The following GALNT13 variants were observed in gnomAD, a reference collection of about 807,000 sequenced individuals.
GALNT13 encodes polypeptide N-acetylgalactosaminyltransferase 13.
Under a neutral mutation model 64.2 loss-of-function variants are expected in GALNT13, and 28 were observed. The ratio of observed to expected loss-of-function variants is 0.44; its 90% confidence interval spans 0.32 to 0.60. The LOEUF is 0.60. GALNT13 is among the 20% of genes least tolerant of loss of function. GALNT13 has a pLI of 0.05. For synonymous variants in GALNT13, 214 were observed against 224.6 expected (o/e 0.95, Z 0.42); for missense variants, 577 against 669.8 (o/e 0.86, Z 1.53).
chr2:154,007,944 T>A (rs1017344506), intron 3 of GALNT13, among the ~76,000 whole-genome samples: 1 of 149,116 alleles, frequency 6.7e-6, no homozygotes, highest in Non-Finnish European at 1.5e-5. Flanking sequence ...ATAGAACCCT[T>A]CATATTTCCA....
At chr2:153,261,675 A>C in the GALNT13 span, among the ~76,000 whole-genome samples, 1 of 152,092 alleles carries the variant, frequency 6.6e-6, no homozygotes, top group African/African-American at 2.4e-5. Flanking sequence ...TCCAGTGACC[A>C]TTGCCTGGCT....
intron 3 of GALNT13, among the ~76,000 whole-genome samples, chr2:154,098,465 T>G (rs1702184612): frequency 6.6e-6 from 1 of 152,068 alleles, no homozygotes; most frequent in East Asian, 1.9e-4. Context: ...TAGTATTATT[T>G]TATATTTGGG....
At chr2:154,323,117 T>A (rs1694711681) in intron 9 of GALNT13, among the ~76,000 whole-genome samples, 1 of 151,668 alleles carries the variant, frequency 6.6e-6, no homozygotes, top group African/African-American at 2.4e-5. Context: ...GGAGATGGAT[T>A]ATAAACGCCA....
At chr2:153,120,915 T>C in the GALNT13 span, among the ~76,000 whole-genome samples, 1 of 152,170 alleles carries the variant, frequency 6.6e-6, no homozygotes, top group East Asian at 1.9e-4. Context: ...CTCTAGTTAT[T>C]GCGTGATCTG....
At chr2:153,965,366 C>G (rs2589463) in intron 3 of GALNT13, among the ~76,000 whole-genome samples, 1 of 152,150 alleles carries the variant, frequency 6.6e-6, no homozygotes, top group Non-Finnish European at 1.5e-5. Context: ...CCCTTCCCAG[C>G]TTCTGATAAC....
chr2:154,024,837 G>A (rs1023782757), intron 3 of GALNT13, among the ~76,000 whole-genome samples: 1 of 151,998 alleles, frequency 6.6e-6, no homozygotes, highest in Non-Finnish European at 1.5e-5. Context: ...TCTACCTTTG[G>A]TCTTTGATGA....
chr2:153,200,952 C>T, the GALNT13 span, among the ~76,000 whole-genome samples: 1 of 152,186 alleles, frequency 6.6e-6, no homozygotes, highest in East Asian at 1.9e-4. Flanking sequence ...CTTTCTGTTG[C>T]TATTGGTGGG....
intron 3 of GALNT13, among the ~76,000 whole-genome samples, chr2:153,966,368 G>A (rs943237299): frequency 2.8e-4 from 41 of 144,924 alleles, no homozygotes; most frequent in South Asian, 1.1e-3. Context: ...CTGTTGTTGG[G>A]ATTCTTTTTT....
the GALNT13 span, among the ~76,000 whole-genome samples, chr2:153,406,014 A>G: frequency 6.6e-6 from 1 of 152,188 alleles, no homozygotes; most frequent in African/African-American, 2.4e-5. Context: ...TCCCTCCCTG[A>G]TCCCTGAACT....
chr2:153,294,577 A>G, the GALNT13 span, among the ~76,000 whole-genome samples: 1 of 152,130 alleles, frequency 6.6e-6, no homozygotes, highest in African/African-American at 2.4e-5. Context: ...ATCTCTCCCC[A>G]AAGGGAATTT....
intron 10 of GALNT13, among the ~76,000 whole-genome samples, chr2:154,401,685 A>T (rs1248355577): frequency 1.3e-5 from 2 of 152,212 alleles, no homozygotes; most frequent in Non-Finnish European, 2.9e-5. Flanking sequence ...CAGCTGCAAC[A>T]AACTATATGC....
intron 4 of GALNT13, among the ~76,000 whole-genome samples, chr2:154,155,213 C>G (rs943954314): frequency 6.6e-6 from 1 of 151,856 alleles, no homozygotes; most frequent in African/African-American, 2.4e-5. Context: ...TTTATGAAAT[C>G]AATGCTGCCT....
the GALNT13 span, among the ~76,000 whole-genome samples, chr2:153,505,110 G>T: frequency 6.6e-6 from 1 of 152,036 alleles, no homozygotes; most frequent in African/African-American, 2.4e-5. Context: ...AATCTAGGAG[G>T]GTTGTATATT....
the GALNT13 span, among the ~76,000 whole-genome samples, chr2:153,607,610 T>C: frequency 2.4e-4 from 36 of 152,290 alleles, no homozygotes; most frequent in Non-Finnish European, 3.7e-4. Context: ...TTATAACTTT[T>C]ACCTAAATCT....
chr2:154,323,627 G>A (rs2105170128), intron 9 of GALNT13, among the ~76,000 whole-genome samples: 1 of 152,026 alleles, frequency 6.6e-6, no homozygotes, highest in South Asian at 2.1e-4. Context: ...TTAATTCCTT[G>A]TTTCTAAGTG....
At chr2:153,485,511 CCAAA>C in the GALNT13 span, among the ~76,000 whole-genome samples, 1 of 152,106 alleles carries the variant, frequency 6.6e-6, no homozygotes, top group African/African-American at 2.4e-5. Flanking sequence ...TTGCCGCCAC[CCAAA>C]CAGTCCATCA....
intron 3 of GALNT13, among the ~76,000 whole-genome samples, chr2:153,995,726 A>G (rs113454674): frequency 2.6e-5 from 4 of 152,218 alleles, no homozygotes; most frequent in African/African-American, 9.6e-5. Flanking sequence ...ATACATTGCT[A>G]TTAGCTAAAG....
chr2:154,387,216 A>G (rs1385107728), intron 9 of GALNT13, among the ~76,000 whole-genome samples: 1 of 152,108 alleles, frequency 6.6e-6, no homozygotes, highest in South Asian at 2.1e-4. Flanking sequence ...AATAGTTTTA[A>G]ATTTAAAAAC....
the GALNT13 span, among the ~76,000 whole-genome samples, chr2:153,570,020 G>C: frequency 6.2e-4 from 94 of 152,194 alleles, no homozygotes; most frequent in African/African-American, 2.2e-3. Context: ...TATTCATAGT[G>C]GTTGTACAAA....
Sources: gnomAD v4.1 joint callset for allele counts (sites outside exome capture counted in the v4.1 genomes callset) on GRCh38, gnomAD v4.1.1 for gene constraint, MANE v1.5 for transcripts, NCBI Gene and HGNC (gene_info 2026-07-23, HGNC 2026-07-21) for gene names.